SORCS3: variants seen among roughly 807,000 people sequenced by gnomAD.
SORCS3 encodes sortilin related VPS10 domain containing receptor 3.
SORCS3 carries 57 observed loss-of-function variants against 146.3 expected under a neutral mutation model. That is an observed-to-expected ratio of 0.39 (90% CI 0.31 to 0.49). The LOEUF is 0.49. Among genes scored for constraint, SORCS3 ranks in the 20% least tolerant of loss-of-function variants. The pLI, the probability that SORCS3 is intolerant of heterozygous loss-of-function variation, is 0.92. For synonymous variants in SORCS3, 653 were observed against 618.5 expected, an observed-to-expected ratio of 1.06 and a Z score of -0.83; for missense variants, 1,341 against 1,575.5, an observed-to-expected ratio of 0.85 and a Z score of 2.52.
chr10:104,843,983 A>T (rs763258105), intron 2 of SORCS3, among the ~76,000 whole-genome samples: 6 of 152,144 alleles, frequency 3.9e-5, no homozygotes, highest in Non-Finnish European at 7.3e-5. Context: ...AGCAGAGGGG[A>T]CTGGGGTGTG....
intron 7 of SORCS3, among the ~76,000 whole-genome samples, chr10:105,120,236 C>G (rs1447514030): frequency 6.6e-6 from 1 of 152,120 alleles, no homozygotes; most frequent in Non-Finnish European, 1.5e-5. Flanking sequence ...CTGTTCCTCC[C>G]CTTCACCTTC....
chr10:105,259,037 C>A (rs947388500), intron 25 of SORCS3, among the ~76,000 whole-genome samples: 1 of 152,084 alleles, frequency 6.6e-6, no homozygotes, highest in African/African-American at 2.4e-5. Context: ...GTAATGGCAA[C>A]ATGGAGTGTA....
intron 25 of SORCS3, among the ~76,000 whole-genome samples, chr10:105,259,161 A>C (rs539238574): frequency 1.3e-5 from 2 of 152,302 alleles, no homozygotes; most frequent in African/African-American, 4.8e-5. Context: ...ATGCTCTATC[A>C]TCAGTACTGT....
intron 16 of SORCS3, among the ~76,000 whole-genome samples, chr10:105,206,378 A>C (rs2056602664): frequency 6.6e-6 from 1 of 152,190 alleles, no homozygotes; most frequent in South Asian, 2.1e-4. Flanking sequence ...TATTAGCTTA[A>C]TATAAAATAT....
intron 4 of SORCS3, among the ~76,000 whole-genome samples, chr10:105,026,966 T>C (rs1462260107): frequency 6.6e-6 from 1 of 152,184 alleles, no homozygotes; most frequent in African/African-American, 2.4e-5. Flanking sequence ...ATGTACCTCC[T>C]GAATCTAAAA....
intron 1 of SORCS3, among the ~76,000 whole-genome samples, chr10:104,672,027 T>C (rs960770498): frequency 7.9e-5 from 12 of 152,330 alleles, no homozygotes; most frequent in African/African-American, 2.2e-4. Context: ...TCTTCAGTTT[T>C]TTGGAAAAGT....
chr10:104,671,468 G>A (rs976635291), intron 1 of SORCS3, among the ~76,000 whole-genome samples: 6 of 149,916 alleles, frequency 4.0e-5, no homozygotes, highest in African/African-American at 1.5e-4. Context: ...CCAAGTATCT[G>A]GGACTACAGG....
chr10:105,173,751 C>G (rs1307429144), intron 13 of SORCS3, among the ~76,000 whole-genome samples: 1 of 152,168 alleles, frequency 6.6e-6, no homozygotes, highest in Non-Finnish European at 1.5e-5. Flanking sequence ...CAACTAATCC[C>G]TTTTCACACT....
chr10:104,765,930 A>G (rs1037647338), intron 1 of SORCS3, among the ~76,000 whole-genome samples: 5 of 152,202 alleles, frequency 3.3e-5, no homozygotes, highest in African/African-American at 9.6e-5. Context: ...TAGCTGCCTT[A>G]CTATGTTCCC....
chr10:105,168,298 A>G (rs1228217146), intron 13 of SORCS3, among the ~76,000 whole-genome samples: 1 of 152,184 alleles, frequency 6.6e-6, no homozygotes. Context: ...AAGACCTTCC[A>G]CAAGGACAGA....
At chr10:105,221,110 G>A (rs2056699896) in intron 19 of SORCS3, among the ~76,000 whole-genome samples, 1 of 152,148 alleles carries the variant, frequency 6.6e-6, no homozygotes, top group Admixed American at 6.6e-5. Flanking sequence ...TACATAGTCG[G>A]TATATATATT....
intron 5 of SORCS3, among the ~76,000 whole-genome samples, chr10:105,069,132 A>G (rs1460876150): frequency 6.6e-6 from 1 of 152,222 alleles, no homozygotes; most frequent in Non-Finnish European, 1.5e-5. Flanking sequence ...CCAAACTCAT[A>G]GTCATGTACT....
intron 4 of SORCS3, among the ~76,000 whole-genome samples, chr10:105,020,779 C>T (rs12260016): frequency 0.059 from 9,056 of 152,220 alleles, 791 homozygotes; most frequent in African/African-American, 0.19. Context: ...TTACCTTATG[C>T]TGTGCTGTTA....
At chr10:104,770,955 AT>A (rs1170988270) in intron 1 of SORCS3, among the ~76,000 whole-genome samples, 2 of 152,112 alleles carry the variant, frequency 1.3e-5, no homozygotes, top group Non-Finnish European at 2.9e-5. Flanking sequence ...CATCTTTAAC[AT>A]TTTTTTCCCA....
chr10:104,799,659 G>A (rs150994702), intron 1 of SORCS3, among the ~76,000 whole-genome samples: 3,332 of 151,784 alleles, frequency 0.022, 123 homozygotes, highest in African/African-American at 0.076. Flanking sequence ...AAAACTGCAC[G>A]TTCTGCACAT....
chr10:104,756,249 A>G (rs2017049440), intron 1 of SORCS3, among the ~76,000 whole-genome samples: 1 of 152,166 alleles, frequency 6.6e-6, no homozygotes. Flanking sequence ...CTCCACACCT[A>G]TGTTAAATAC....
chr10:104,766,523 G>A (rs140498080), intron 1 of SORCS3, among the ~76,000 whole-genome samples: 160 of 152,310 alleles, frequency 1.1e-3, no homozygotes, highest in African/African-American at 3.7e-3. Context: ...CTCTTGTATC[G>A]CAGGCACTGG....
chr10:104,792,443 G>A (rs926583992), intron 1 of SORCS3, among the ~76,000 whole-genome samples: 15 of 152,140 alleles, frequency 9.9e-5, no homozygotes, highest in African/African-American at 3.4e-4. Flanking sequence ...ATCCCATTCT[G>A]CTTTGCTTCA....
chr10:104,991,503 CTTTT>C (rs1159374839), intron 4 of SORCS3, among the ~76,000 whole-genome samples: 1 of 139,180 alleles, frequency 7.2e-6, no homozygotes, highest in African/African-American at 2.7e-5. Context: ...CCTCTTCTTC[CTTTT>C]TTTTTTTTTT....
Sources: gnomAD v4.1 joint callset for allele counts (sites outside exome capture counted in the v4.1 genomes callset) on GRCh38, gnomAD v4.1.1 for gene constraint, MANE v1.5 for transcripts, NCBI Gene and HGNC (gene_info 2026-07-23, HGNC 2026-07-21) for gene names.